FSHB: variants seen among roughly 807,000 people sequenced by gnomAD.
FSHB encodes the protein follicle stimulating hormone subunit beta.
A neutral mutation model predicts 12.1 loss-of-function variants in FSHB; 8 were observed. That is an observed-to-expected ratio of 0.66 (90% CI 0.39 to 1.19). The LOEUF (loss-of-function observed/expected upper bound fraction) is 1.19, where lower values mean the gene tolerates loss of function less well. FSHB is among the 50% of genes most tolerant of loss of function. FSHB has a pLI of 0.01. For synonymous variants in FSHB, 55 were observed against 54.6 expected (o/e 1.01, Z -0.04); for missense variants, 153 against 157.2 (o/e 0.97, Z 0.14).
chr11:30,231,043 C>A lies in FSHB; in HGVS notation c.-43C>A, dbSNP rs1346466875. 1 of 152,164 alleles carries A rather than the reference C, an allele frequency of 6.6e-6. No individual in the cohort carries two copies. The highest frequency in any genetic ancestry group is 2.4e-5 in the African/African-American group (1 of 41,440). The allele number at this position is 152,164 out of a possible 1,614,324, so 9.4% of individuals were successfully genotyped here. A position where few individuals can be genotyped will look rare whatever the true frequency, so the allele number is the denominator to read the frequency against. On this transcript the variant is annotated 5_prime_UTR_variant, in exon 1 of 3. Coordinates refer to ENST00000533718, the MANE Select transcript of FSHB (RefSeq NM_001382289.1). ...AGCTCTTGCCAGGCAAGGCAGCCGA[C>A]CACAGGTGAGTCTTGGCATCTACCG...
Position 30,233,697 on chromosome 11 carries a change from T to G in FSHB, c.287T>G (p.Val96Gly). 1.9e-6 allele frequency: 3 copies of G among 1,614,078 alleles called. No individual in the cohort carries two copies. The highest frequency in any genetic ancestry group is 1.1e-5 in the South Asian group (1 of 91,086). Residue 96 changes from valine (V) to glycine (G), a missense_variant, in exon 3 of 3, where the codon GTG (valine) becomes GGG (glycine). Physicochemically the swap from Val to Gly is moderately radical, Grantham distance 109. Coordinates refer to ENST00000533718, the MANE Select transcript of FSHB (RefSeq NM_001382289.1). ...HHADSLYTYP[V>G]ATQCHCGKCD... is the part of the protein sequence containing the mutation. ...GCAGATTCCTTGTATACATACCCAG[T>G]GGCCACCCAGTGTCACTGTGGCAAG...
intron 1 of FSHB, 24 bp from the exon 2 acceptor site, chr11:30,231,839 AATG>A: frequency 6.3e-7 from 1 of 1,581,456 alleles, no homozygotes. Context: ...CAGCTTACAT[AATG>A]ATTATCGTTC....
chr11:30,232,027 A>C lies in FSHB; in HGVS notation c.125A>C (p.Asn42Thr). 1 of 1,613,948 alleles carries C rather than the reference A, an allele frequency of 6.2e-7. No homozygotes were observed. Among genetic ancestry groups the C allele is most frequent in the South Asian group, 1.1e-5 (1 of 91,080 alleles). ...KEECRFCISI[N>T]TTWCAGYCYT... ...GAATGTCGTTTCTGCATAAGCATCAACACCACTTGGTGTGCTGGCTACTGC... is the reference window on the plus strand; with the variant it reads ...GAATGTCGTTTCTGCATAAGCATCACCACCACTTGGTGTGCTGGCTACTGC... The change falls in exon 2 of 3, where the codon AAC becomes ACC. Residue 42 changes from asparagine (N) to threonine (T), a missense_variant. Transcript: ENST00000533718.
At chr11:30,232,184 ACTGT>A (rs756785534) in intron 2 of FSHB, 123 bp downstream of exon 2, 61 of 986,624 alleles carry the variant, frequency 6.2e-5, no homozygotes, top group Non-Finnish European at 8.8e-5. Context: ...TTTAGCCAAG[ACTGT>A]CTGTGTTGTG....
In FSHB at chr11:30,234,117, C is replaced by G. The variant is rs1852049304; in HGVS notation, c.*317C>G. 3 of 361,804 alleles carry G rather than the reference C, an allele frequency of 8.3e-6. No homozygotes were observed. The Admixed American group carries it at 1.2e-4, about 14-fold the overall frequency. The allele number at this position is 361,804 out of a possible 1,614,324, so 22.4% of individuals were successfully genotyped here. A position where few individuals can be genotyped will look rare whatever the true frequency, so the allele number is the denominator to read the frequency against. On this transcript the variant is annotated 3_prime_UTR_variant, in exon 3 of 3. Transcript: ENST00000533718. ...GCAATGCCTCTCTCTTAGGGGGAAA[C>G]ATAAGCCTAGAAGGAGGAAGCAGTA...
chr11:30,231,605 C>T (rs549568020), intron 1 of FSHB, among the ~76,000 whole-genome samples: 1 of 152,258 alleles, frequency 6.6e-6, no homozygotes, highest in South Asian at 2.1e-4. Flanking sequence ...TTATGACAGT[C>T]AGCAATAAGA....
rs1852044117 is a variant in FSHB, at chr11:30,233,858, A to C, written c.*58A>C. 7 of 1,447,962 alleles carry C rather than the reference A, an allele frequency of 4.8e-6. 1 individual carries two copies. Among genetic ancestry groups the C allele is most frequent in the Non-Finnish European group, 1.9e-6 (2 of 1,038,284 alleles). The allele number at this position is 1,447,962 out of a possible 1,614,324, so 89.7% of individuals were successfully genotyped here. The stretch of plus-strand genomic sequence containing the variant: ...GTCCTGAAGGACCAAGATATTCAAA[A>C]AGTCTGTGTGTGTGCAATGTGCCCA... On this transcript the variant is annotated 3_prime_UTR_variant, in exon 3 of 3. Transcript: ENST00000533718.
At chr11:30,231,773 T>G in intron 1 of FSHB, 93 bp from the exon 2 acceptor site, 1 of 1,010,848 alleles carries the variant, frequency 9.9e-7, no homozygotes, top group Non-Finnish European at 1.5e-6. Flanking sequence ...GAAAAAAAAC[T>G]TTTGAAGCAA....
chr11:30,233,443 A>T, intron 2 of FSHB, 127 bp from the exon 3 acceptor site: 1 of 746,610 alleles, frequency 1.3e-6, no homozygotes, highest in Non-Finnish European at 2.4e-6. Flanking sequence ...CATATAGGTC[A>T]TTTATGAGGT....
At chr11:30,232,694 A>G (rs1274966054) in intron 2 of FSHB, among the ~76,000 whole-genome samples, 1 of 152,200 alleles carries the variant, frequency 6.6e-6, no homozygotes, top group East Asian at 1.9e-4. Flanking sequence ...GCATTAATAC[A>G]AGTAGAGAAA....
intron 2 of FSHB, among the ~76,000 whole-genome samples, chr11:30,233,331 T>C (rs905981104): frequency 3.3e-5 from 5 of 152,282 alleles, no homozygotes; most frequent in Admixed American, 3.3e-4. Context: ...TTCCTTTATA[T>C]TTTGAAAAAT....
At chr11:30,232,186 T>C in intron 2 of FSHB, 125 bp downstream of exon 2, 2 of 955,294 alleles carry the variant, frequency 2.1e-6, no homozygotes, top group Non-Finnish European at 3.2e-6. Flanking sequence ...TAGCCAAGAC[T>C]GTCTGTGTTG....
rs1852049068 is a variant in FSHB, at chr11:30,234,107, TAGGGG to T, written c.*308_*312del. On this transcript the variant is annotated 3_prime_UTR_variant, in exon 3 of 3. Coordinates refer to ENST00000533718, the MANE Select transcript of FSHB (RefSeq NM_001382289.1). The stretch of plus-strand genomic sequence containing the variant: ...ATCTTCTCAGGCAATGCCTCTCTCT[TAGGGG>T]GAAACATAAGCCTAGAAGGAGGAAG... The T allele has an allele frequency of 2.7e-6, 1 of 371,662 alleles. No individual in the cohort carries two copies. Among genetic ancestry groups the T allele is most frequent in the African/African-American group, 2.1e-5 (1 of 47,738 alleles). The allele number at this position is 371,662 out of a possible 1,614,324, so 23.0% of individuals were successfully genotyped here.
Position 30,233,808 on chromosome 11 carries a change from T to C in FSHB, c.*8T>C. ...GGTGAAATGAAAGAATAAAGATCAG[T>C]GGACATTTCAGGCCACATACCCTTG... On this transcript the variant is annotated 3_prime_UTR_variant, in exon 3 of 3. Coordinates refer to ENST00000533718, the MANE Select transcript of FSHB (RefSeq NM_001382289.1). 1.2e-6 allele frequency: 2 copies of C among 1,609,612 alleles called. No individual in the cohort carries two copies. The highest frequency in any genetic ancestry group is 1.7e-6 in the Non-Finnish European group (2 of 1,176,254).
chr11:30,232,290 T>C (rs930661913), intron 2 of FSHB, among the ~76,000 whole-genome samples: 1 of 152,256 alleles, frequency 6.6e-6, no homozygotes, highest in African/African-American at 2.4e-5. Context: ...ATCTGATCAA[T>C]TTGGTACTAG....
In FSHB at chr11:30,234,834, T is replaced by A. The variant is rs1394904371; in HGVS notation, c.*1034T>A. On this transcript the variant is annotated 3_prime_UTR_variant, in exon 3 of 3. Transcript: ENST00000533718. ...GAGGGGAAACTGCTGTTTTCTAGGA[T>A]CCTGTCTACATCAATCTTCTATTTT... The A allele has an allele frequency of 6.6e-6, 1 of 152,228 alleles. No individual in the cohort carries two copies. The highest frequency in any genetic ancestry group is 1.5e-5 in the Non-Finnish European group (1 of 68,034). 9.4% of individuals were successfully genotyped at this position (152,228 alleles called of 1,614,324 possible).
chr11:30,231,698 TGAA>T (rs1336937197), intron 1 of FSHB, among the ~76,000 whole-genome samples, 165 bp from the exon 2 acceptor site: 1 of 151,866 alleles, frequency 6.6e-6, no homozygotes, highest in Non-Finnish European at 1.5e-5. Context: ...ACCCAAAAAT[TGAA>T]GAAGGACAAG....
In FSHB at chr11:30,233,972, G is replaced by C; in HGVS notation, c.*172G>C. On this transcript the variant is annotated 3_prime_UTR_variant, in exon 3 of 3. Transcript: ENST00000533718. ...ACTCTGGGAATTGAGAGTGCTGGGG[G>C]CCAGGACTCCATCATGATTCAGCTC... The C allele has an allele frequency of 1.5e-6, 1 of 651,474 alleles. No homozygotes were observed. The highest frequency in any genetic ancestry group is 2.8e-6 in the Non-Finnish European group (1 of 362,026). 40.4% of individuals were successfully genotyped at this position (651,474 alleles called of 1,614,324 possible). A position where few individuals can be genotyped will look rare whatever the true frequency, so the allele number is the denominator to read the frequency against.
chr11:30,231,691 CAAAAATTGAAGAAGGACAAG>C (rs1054020263), intron 1 of FSHB, among the ~76,000 whole-genome samples, 155 bp from the exon 2 acceptor site: 8 of 151,824 alleles, frequency 5.3e-5, no homozygotes, highest in Non-Finnish European at 1.0e-4. Flanking sequence ...CACCCTGACC[CAAAAATTGAAGAAGGACAAG>C]GAAAAATGTT....
Sources: allele counts gnomAD v4.1 joint callset (sites outside exome capture counted in the v4.1 genomes callset), GRCh38; gene constraint gnomAD v4.1.1; transcripts MANE v1.5; gene names NCBI Gene and HGNC (gene_info 2026-07-23, HGNC 2026-07-21).